MAP4K1: variants seen among roughly 807,000 people sequenced by gnomAD.
MAP4K1 encodes mitogen-activated protein kinase kinase kinase kinase 1.
Under a neutral mutation model 122.8 loss-of-function variants are expected in MAP4K1, and 35 were observed. That is an observed-to-expected ratio of 0.29 (90% CI 0.22 to 0.38). The LOEUF (loss-of-function observed/expected upper bound fraction) is 0.38. Ranked by LOEUF, MAP4K1 falls within the 10% of genes least tolerant of loss-of-function variation. The pLI, the probability that MAP4K1 is intolerant of heterozygous loss-of-function variation, is 1.00. For synonymous variants in MAP4K1, 412 were observed against 421.3 expected, an observed-to-expected ratio of 0.98 and a Z score of 0.27; for missense variants, 791 against 1,072.6, an observed-to-expected ratio of 0.74 and a Z score of 3.67.
chr19:38,596,747 A>G (rs12461431), intron 25 of MAP4K1, among the ~76,000 whole-genome samples: 9,430 of 152,148 alleles, frequency 0.062, 640 homozygotes, highest in East Asian at 0.26. Context: ...CTGCTTAGAC[A>G]CTCAAAGAGA....
At chr19:38,602,236 T>C (rs1475677484) in intron 19 of MAP4K1, among the ~76,000 whole-genome samples, 1 of 151,922 alleles carries the variant, frequency 6.6e-6, no homozygotes, top group African/African-American at 2.4e-5. Flanking sequence ...ACACCACGCC[T>C]GGCTAATTTT....
At chr19:38,593,663 C>T (rs1555807821) in intron 29 of MAP4K1, among the ~76,000 whole-genome samples, 1 of 152,228 alleles carries the variant, frequency 6.6e-6, no homozygotes, top group Non-Finnish European at 1.5e-5. Flanking sequence ...GATTGCGCCA[C>T]TGGGCGTGCC....
rs774104012 is a variant in MAP4K1, at chr19:38,609,576, C to T, written c.1006+20G>A. On this transcript the variant is annotated intron_variant, in intron 13 of 30. Coordinates refer to ENST00000396857, the MANE Select transcript of MAP4K1 (RefSeq NM_001042600.3). ...TATTATAGGGTCAGGTGTCCCCAAA[C>T]ATAAGGATTCTCTACTCACGACAGC... 3 of 1,610,510 alleles carry T rather than the reference C, an allele frequency of 1.9e-6. No individual in the cohort carries two copies. The South Asian group carries it at 3.3e-5, about 18-fold the overall frequency.
rs772062454 is a variant in MAP4K1, at chr19:38,601,542, G to A, written c.1447-17C>T. The A allele has an allele frequency of 7.1e-5, 113 of 1,587,924 alleles. No homozygotes were observed. The highest frequency in any genetic ancestry group is 9.4e-5 in the Non-Finnish European group (110 of 1,166,178). The stretch of plus-strand genomic sequence containing the variant: ...GGCACATCCCTGGGCAGGTCGCCGC[G>A]GGGCCAGGCAGCAGATCCGGCAAAG... On this transcript the variant is annotated splice_polypyrimidine_tract_variant and intron_variant, in intron 19 of 30. Coordinates refer to ENST00000396857, the MANE Select transcript of MAP4K1 (RefSeq NM_001042600.3).
At chr19:38,614,510 C>T in intron 4 of MAP4K1, 65 bp from the exon 5 acceptor site, 5 of 1,571,890 alleles carry the variant, frequency 3.2e-6, no homozygotes, top group East Asian at 2.2e-5. Flanking sequence ...GCTGGGGAGT[C>T]CTGCCCCCCC....
At chr19:38,593,868 C>T (rs890645782) in intron 29 of MAP4K1, among the ~76,000 whole-genome samples, 13 of 152,050 alleles carry the variant, frequency 8.5e-5, no homozygotes, top group Middle Eastern at 3.4e-3. Context: ...GGGAACAGAG[C>T]GAGACTCCAT....
chr19:38,608,761 T>C (rs553091339), intron 13 of MAP4K1, among the ~76,000 whole-genome samples: 2 of 122,440 alleles, frequency 1.6e-5, no homozygotes, highest in East Asian at 5.2e-4. Context: ...GATCGCACCA[T>C]CGCACTCCAG....
Position 38,613,972 on chromosome 19 carries a change from T to C in MAP4K1, c.461-20A>G. The C allele has an allele frequency of 1.9e-6, 3 of 1,613,712 alleles. No homozygotes were observed. The highest frequency in any genetic ancestry group is 2.5e-6 in the Non-Finnish European group (3 of 1,179,780). On this transcript the variant is annotated intron_variant, in intron 7 of 30. Transcript: ENST00000396857. ...AGTCAGCTGGAAGCAGAGGGAGACA[T>C]AGTGATCTGGGGTCCACTGCGCTTC...
chr19:38,591,033 A>C (rs1251022970), intron 30 of MAP4K1, among the ~76,000 whole-genome samples: 1 of 151,694 alleles, frequency 6.6e-6, no homozygotes, highest in Non-Finnish European at 1.5e-5. Flanking sequence ...TGCGCATAAG[A>C]AAGAGAAGAG....
In MAP4K1 at chr19:38,611,040, G is replaced by C. The variant is rs745699069; in HGVS notation, c.810+11C>G. The C allele has an allele frequency of 6.2e-7, 1 of 1,607,278 alleles. No homozygotes were observed. Among genetic ancestry groups the C allele is most frequent in the Non-Finnish European group, 8.5e-7 (1 of 1,175,450 alleles). On this transcript the variant is annotated intron_variant, in intron 11 of 30. Coordinates refer to ENST00000396857, the MANE Select transcript of MAP4K1 (RefSeq NM_001042600.3). ...ATCCTAGGCTGAGGATCTTGGGGAA[G>C]GGAGGGTTACACTGAGCATCTTGGT...
chr19:38,612,789 A>C (rs769812630), intron 8 of MAP4K1, 47 bp from the exon 9 acceptor site: 116 of 1,602,156 alleles, frequency 7.2e-5, no homozygotes, highest in Non-Finnish European at 9.4e-5. Context: ...TGGGGACAGG[A>C]AGGGAAGGAG....
intron 30 of MAP4K1, chr19:38,589,264 C>A: frequency 4.2e-6 from 1 of 239,780 alleles, no homozygotes; most frequent in Non-Finnish European, 8.7e-6. Context: ...GATCGTGCCA[C>A]TGCACTCCAG....
At chr19:38,611,384 A>C in intron 9 of MAP4K1, 79 bp from the exon 10 acceptor site, 2 of 955,678 alleles carry the variant, frequency 2.1e-6, no homozygotes, top group Non-Finnish European at 3.4e-6. Flanking sequence ...TCCTAGTAGC[A>C]TTGTGGTCAG....
At position 38,609,636 on chromosome 19, in the gene MAP4K1, G is replaced by A; in HGVS notation, c.966C>T (p.His322=). 6.2e-7 allele frequency: 1 copy of A among 1,613,902 alleles called. No individual in the cohort carries two copies. Among genetic ancestry groups the A allele is most frequent in the Non-Finnish European group, 8.5e-7 (1 of 1,179,914 alleles). ...PAIPRRIRST[H]RSSSLGIPDA... ...CTGGGATCCCCAGAGAGCTGGAGCGGTGGGTGGATCTGATCCGCCGAGGGA... is the reference window on the plus strand; with the variant it reads ...CTGGGATCCCCAGAGAGCTGGAGCGATGGGTGGATCTGATCCGCCGAGGGA... The change falls in exon 13 of 31, where the codon CAC becomes CAT. Residue 322 remains histidine, a synonymous_variant. Transcript: ENST00000396857.
chr19:38,609,049 T>C (rs1294515221), intron 13 of MAP4K1, among the ~76,000 whole-genome samples: 1 of 152,074 alleles, frequency 6.6e-6, no homozygotes, highest in Non-Finnish European at 1.5e-5. Flanking sequence ...ACAGGGTGTT[T>C]TCAGGATCCG....
chr19:38,617,477 G>A lies in MAP4K1; in HGVS notation c.158-33C>T, dbSNP rs201014307. On this transcript the variant is annotated intron_variant, in intron 2 of 30. Coordinates refer to ENST00000396857, the MANE Select transcript of MAP4K1 (RefSeq NM_001042600.3). This position sits in a 1 kb window ranked among gnomAD's most constrained non-coding sequence, Gnocchi z 4.1. ...GAGGGCGGGAGAGAAAAGGCAGCTCGCATGGGGAGAGAGCTACAGGGGAGG... is the reference window on the plus strand; with the variant it reads ...GAGGGCGGGAGAGAAAAGGCAGCTCACATGGGGAGAGAGCTACAGGGGAGG... 24 of 1,589,034 alleles carry A rather than the reference G, an allele frequency of 1.5e-5. No homozygotes were observed. In the African/African-American group the frequency reaches 2.7e-4, roughly 18 times the overall value.
In MAP4K1 at chr19:38,616,175, C is replaced by T. The variant is rs1599722974; in HGVS notation, c.313+20G>A. 1.2e-6 allele frequency: 2 copies of T among 1,606,212 alleles called. No homozygotes were observed. Among genetic ancestry groups the T allele is most frequent in the South Asian group, 1.1e-5 (1 of 89,982 alleles). ...TGGGGATAGGGAGGGGTGCTTGGGT[C>T]CCGTTGTCCTTTCTCTAACCTTGGT... On this transcript the variant is annotated intron_variant, in intron 4 of 30. Transcript: ENST00000396857.
At chr19:38,593,178 G>T in intron 30 of MAP4K1, 104 bp downstream of exon 30, 1 of 1,091,196 alleles carries the variant, frequency 9.2e-7, no homozygotes. Flanking sequence ...GACCAGGTGA[G>T]ACACTGTCCA....
chr19:38,614,492 G>A, intron 4 of MAP4K1, 47 bp from the exon 5 acceptor site: 1 of 1,610,006 alleles, frequency 6.2e-7, no homozygotes, highest in Non-Finnish European at 8.5e-7. Context: ...GGGAGCCAGG[G>A]AACCTGGGCT....
Sources: gnomAD v4.1 joint callset for allele counts (sites outside exome capture counted in the v4.1 genomes callset) on GRCh38, gnomAD v4.1.1 for gene constraint, Gnocchi (gnomAD v3.1) non-coding constraint, MANE v1.5 for transcripts, NCBI Gene and HGNC (gene_info 2026-07-23, HGNC 2026-07-21) for gene names.